Variants in GRAMD1C observed in about 807,000 individuals in gnomAD.
GRAMD1C encodes protein Aster-C.
A neutral mutation model predicts 97.8 loss-of-function variants in GRAMD1C; 89 were observed. That is an observed-to-expected ratio of 0.91 (90% CI 0.77 to 1.09). The LOEUF is 1.09. Among genes scored for constraint, GRAMD1C ranks in the 50% least tolerant of loss-of-function variants. The pLI is 0.00. For synonymous variants in GRAMD1C, 256 were observed against 267.0 expected (o/e 0.96, Z 0.40); for missense variants, 740 against 766.4 (o/e 0.97, Z 0.41).
At chr3:113,929,560 G>A (rs1325475210) in intron 10 of GRAMD1C, among the ~76,000 whole-genome samples, 2 of 152,178 alleles carry the variant, frequency 1.3e-5, no homozygotes, top group Non-Finnish European at 1.5e-5. Flanking sequence ...CAGACTGGTT[G>A]TATCATTTTC....
intron 1 of GRAMD1C, among the ~76,000 whole-genome samples, chr3:113,829,974 G>A (rs1324889080): frequency 6.6e-6 from 1 of 152,058 alleles, no homozygotes; most frequent in Non-Finnish European, 1.5e-5. Context: ...AAAGAGAAAA[G>A]CTCTCTCTGC....
At chr3:113,924,863 T>C (rs1577211759) in intron 10 of GRAMD1C, among the ~76,000 whole-genome samples, 2 of 152,316 alleles carry the variant, frequency 1.3e-5, no homozygotes, top group Non-Finnish European at 2.9e-5. Flanking sequence ...ATACTGTTAA[T>C]GGGGTGTTGA....
At chr3:113,927,904 C>T (rs17666485) in intron 10 of GRAMD1C, among the ~76,000 whole-genome samples, 23,804 of 152,144 alleles carry the variant, frequency 0.16, 2,211 homozygotes, top group Non-Finnish European at 0.21. Flanking sequence ...GGTGTCATTC[C>T]GTTCCAGGGT....
At chr3:113,868,106 C>A (rs904781688) in intron 2 of GRAMD1C, among the ~76,000 whole-genome samples, 1 of 152,096 alleles carries the variant, frequency 6.6e-6, no homozygotes, top group African/African-American at 2.4e-5. Flanking sequence ...TAGTTTTCAA[C>A]CCCAGAATGT....
chr3:113,941,297 A>G (rs1937761716), intron 17 of GRAMD1C, among the ~76,000 whole-genome samples: 1 of 151,776 alleles, frequency 6.6e-6, no homozygotes, highest in African/African-American at 2.4e-5. Flanking sequence ...GGCTATTATC[A>G]CTCTTGATTC....
intron 17 of GRAMD1C, among the ~76,000 whole-genome samples, chr3:113,943,778 G>T (rs762424306): frequency 6.6e-6 from 1 of 152,120 alleles, no homozygotes; most frequent in Non-Finnish European, 1.5e-5. Context: ...GCCAGGGGTG[G>T]TAGCAGGCGC....
chr3:113,940,328 A>G lies in GRAMD1C; in HGVS notation c.1891A>G (p.Ile631Val). ...TTTAAAGGGAGTGCTCCGAGACTCC[A>G]TAGTGATGCTTGAACAGGTAGGCAA... ...HRLKGVLRDS[I>V]VMLEQLKSSL... The change falls in exon 17 of 18, where the codon ATA becomes GTA. Residue 631 changes from isoleucine (I) to valine (V), a missense_variant. Ile to Val is a conservative substitution (Grantham distance 29). Transcript: ENST00000358160. 4 of 1,583,156 alleles carry G rather than the reference A, an allele frequency of 2.5e-6. No individual in the cohort carries two copies. The highest frequency in any genetic ancestry group is 3.5e-6 in the Non-Finnish European group (4 of 1,151,826).
At chr3:113,926,070 G>A (rs1352746845) in intron 10 of GRAMD1C, among the ~76,000 whole-genome samples, 1 of 152,118 alleles carries the variant, frequency 6.6e-6, no homozygotes, top group African/African-American at 2.4e-5. Flanking sequence ...GGGGTTCTCT[G>A]CATTTCCTGC....
intron 2 of GRAMD1C, among the ~76,000 whole-genome samples, chr3:113,864,985 C>G (rs1448915393): frequency 6.6e-6 from 1 of 152,120 alleles, no homozygotes; most frequent in Non-Finnish European, 1.5e-5. Context: ...AACACCTAGA[C>G]TGGGTAATTT....
At chr3:113,894,019 C>T (rs188818597) in intron 6 of GRAMD1C, among the ~76,000 whole-genome samples, 129 of 152,162 alleles carry the variant, frequency 8.5e-4, no homozygotes, top group African/African-American at 3.0e-3. Context: ...TCAATATGTA[C>T]GGTGAGAACA....
chr3:113,833,100 TTTTC>T (rs745966042), intron 1 of GRAMD1C, among the ~76,000 whole-genome samples: 67 of 147,148 alleles, frequency 4.6e-4, no homozygotes, highest in African/African-American at 1.0e-3. Context: ...TTTTCTTTTC[TTTTC>T]TTTCTTTCTT....
At chr3:113,862,860 G>A (rs569153237) in intron 2 of GRAMD1C, among the ~76,000 whole-genome samples, 2 of 152,208 alleles carry the variant, frequency 1.3e-5, no homozygotes, top group South Asian at 2.1e-4. Flanking sequence ...CCCTCTGTTC[G>A]GGGTTCCTGA....
At chr3:113,836,234 A>G (rs562766396), upstream of GRAMD1C, among the ~76,000 whole-genome samples, 149 of 152,374 alleles carry the variant, frequency 9.8e-4, no homozygotes, top group African/African-American at 3.1e-3. Flanking sequence ...ACTGCACTCC[A>G]GTCTGGGGGA....
At chr3:113,848,986 A>AACAG (rs1342346980) in intron 2 of GRAMD1C, among the ~76,000 whole-genome samples, 1 of 151,726 alleles carries the variant, frequency 6.6e-6, no homozygotes, top group African/African-American at 2.4e-5. Flanking sequence ...CAAAATGTAA[A>AACAG]ACAAACAAAC....
intron 9 of GRAMD1C, 102 bp downstream of exon 9, chr3:113,909,222 C>T: frequency 3.9e-6 from 2 of 506,660 alleles, no homozygotes; most frequent in Non-Finnish European, 6.6e-6. Flanking sequence ...TTATTAGACA[C>T]AGTCTCACCC....
At chr3:113,839,528 G>T (rs944154793) in intron 1 of GRAMD1C, among the ~76,000 whole-genome samples, 1 of 152,138 alleles carries the variant, frequency 6.6e-6, no homozygotes, top group African/African-American at 2.4e-5. Flanking sequence ...AGAGAACTGC[G>T]GTCAGTGCTA....
chr3:113,875,916 C>T (rs536137398), intron 4 of GRAMD1C: 1 of 424,762 alleles, frequency 2.4e-6, no homozygotes, highest in South Asian at 4.8e-5. Context: ...TGAACACCCA[C>T]ATGTCTTTTC....
intron 6 of GRAMD1C, among the ~76,000 whole-genome samples, chr3:113,890,424 G>A (rs1398323618): frequency 6.6e-6 from 1 of 152,190 alleles, no homozygotes; most frequent in African/African-American, 2.4e-5. Context: ...ACAAGGGCGT[G>A]GAGCAATGCA....
chr3:113,894,453 A>G (rs1935854792), intron 6 of GRAMD1C, among the ~76,000 whole-genome samples: 1 of 151,682 alleles, frequency 6.6e-6, no homozygotes, highest in African/African-American at 2.4e-5. Flanking sequence ...TAATTTTTGT[A>G]TTTTTCATAG....
Sources: gnomAD v4.1 joint callset for allele counts (sites outside exome capture counted in the v4.1 genomes callset) on GRCh38, gnomAD v4.1.1 for gene constraint, MANE v1.5 for transcripts, NCBI Gene and HGNC (gene_info 2026-07-23, HGNC 2026-07-21) for gene names.